Variants in TMEM45B observed in about 807,000 individuals in gnomAD.
TMEM45B encodes the protein transmembrane protein 45B.
TMEM45B carries 29 observed loss-of-function variants against 27.3 expected under a neutral mutation model. The ratio of observed to expected loss-of-function variants is 1.06; its 90% CI spans 0.79 to 1.45. TMEM45B has a LOEUF of 1.45. Ranked by LOEUF, TMEM45B falls within the 40% of genes most tolerant of loss-of-function variation. The pLI is 0.00. For missense variants in TMEM45B, 348 were observed against 343.9 expected (o/e 1.01, Z -0.09); for synonymous variants, 143 against 134.7 (o/e 1.06, Z -0.43).
At chr11:129,816,863 G>A (rs1349409894) in intron 1 of TMEM45B, among the ~76,000 whole-genome samples, 2 of 143,672 alleles carry the variant, frequency 1.4e-5, no homozygotes, top group South Asian at 2.3e-4. Flanking sequence ...TCAGCCTCCC[G>A]AGTAGCTAGG....
intron 1 of TMEM45B, among the ~76,000 whole-genome samples, chr11:129,842,169 C>T (rs1273866797): frequency 2.0e-5 from 3 of 152,152 alleles, no homozygotes; most frequent in Non-Finnish European, 2.9e-5. Flanking sequence ...GACCTTCAGA[C>T]ACACATGGGA....
chr11:129,853,464 G>A (rs188780883), intron 2 of TMEM45B, among the ~76,000 whole-genome samples: 1 of 152,320 alleles, frequency 6.6e-6, no homozygotes, highest in African/African-American at 2.4e-5. Flanking sequence ...GTCTCATCCT[G>A]CTGAATGTCC....
chr11:129,856,004 T>C (rs1367249964), intron 4 of TMEM45B, 112 bp downstream of exon 4: 1 of 1,306,372 alleles, frequency 7.7e-7, no homozygotes, highest in African/African-American at 1.5e-5. Context: ...AGCATTAACA[T>C]GCCATGCAAA....
chr11:129,846,674 C>T (rs184878986), intron 1 of TMEM45B, among the ~76,000 whole-genome samples: 95 of 152,262 alleles, frequency 6.2e-4, no homozygotes, highest in African/African-American at 2.3e-3. Context: ...AAAAAAAAAT[C>T]AGTCTGCAAT....
chr11:129,822,841 C>CTTTT (rs981694529), intron 1 of TMEM45B, among the ~76,000 whole-genome samples: 2 of 134,122 alleles, frequency 1.5e-5, no homozygotes, highest in African/African-American at 2.8e-5. Context: ...AAACATTTTT[C>CTTTT]TTTTTTTTTT....
intron 1 of TMEM45B, among the ~76,000 whole-genome samples, chr11:129,852,251 CAT>C (rs56111896): frequency 0.17 from 25,231 of 152,056 alleles, 2,194 homozygotes; most frequent in South Asian, 0.28. Context: ...ATTTTACCCA[CAT>C]GTTTAAAGCA....
At chr11:129,831,060 T>TACCTATGATAAAGCTTATATAA (rs1479024338) in intron 1 of TMEM45B, among the ~76,000 whole-genome samples, 1 of 152,200 alleles carries the variant, frequency 6.6e-6, no homozygotes, top group Admixed American at 6.5e-5. Flanking sequence ...TAGATGTATA[T>TACCTATGATAAAGCTTATATAA]ACCTATGATA....
chr11:129,855,788 G>T lies in TMEM45B; in HGVS notation c.466G>T (p.Gly156Ter), dbSNP rs547067888. The change falls in exon 4 of 6, where the codon GGA becomes TGA. Residue 156 changes from glycine (G) to a stop codon, truncating the protein, a stop_gained. Coordinates refer to ENST00000281441, the MANE Select transcript of TMEM45B (RefSeq NM_138788.5). LOFTEE classifies it high-confidence loss of function. ...IHSLLLYALFGGCVSISLEVI... is the reference protein window; with the variant it reads ...IHSLLLYALF ...CTCACTCCTGCTGTATGCTCTGTTC[G>T]GAGGGTGTGTTAGTATCTCCCTAGA... 3 of 1,614,114 alleles carry T rather than the reference G, an allele frequency of 1.9e-6. No individual in the cohort carries two copies. Among genetic ancestry groups the T allele is most frequent in the South Asian group, 1.1e-5 (1 of 91,072 alleles).
intron 1 of TMEM45B, among the ~76,000 whole-genome samples, chr11:129,824,991 A>C (rs1274385670): frequency 1.3e-5 from 2 of 152,150 alleles, no homozygotes. Context: ...ACTGGAGAGG[A>C]GCCACATTCA....
intron 5 of TMEM45B, 24 bp from the exon 6 acceptor site, chr11:129,858,550 G>T: frequency 6.5e-7 from 1 of 1,537,946 alleles, no homozygotes; most frequent in Non-Finnish European, 8.9e-7. Context: ...TGGCTAATTG[G>T]CTCTTACTCT....
intron 1 of TMEM45B, among the ~76,000 whole-genome samples, chr11:129,848,178 G>T (rs898677396): frequency 2.2e-4 from 33 of 152,030 alleles, no homozygotes; most frequent in South Asian, 1.0e-3. Context: ...CTGGGAGGTG[G>T]AGGTTGTAGC....
At position 129,852,774 on chromosome 11, in the gene TMEM45B, C is replaced by T. The variant is rs1232327970; in HGVS notation, c.178+114C>T. On this transcript the variant is annotated intron_variant, in intron 2 of 5. Transcript: ENST00000281441. ...CCCACTGGCAGAGATAATAGGGCAA[C>T]AATTTCCTGATGGCCACTAGACTAT... is the stretch of plus-strand genomic sequence containing the variant. 10 of 1,139,074 alleles carry T rather than the reference C, an allele frequency of 8.8e-6. No individual in the cohort carries two copies. The Admixed American group carries it at 1.6e-4, about 18-fold the overall frequency. The allele number at this position is 1,139,074 out of a possible 1,614,324, so 70.6% of individuals were successfully genotyped here.
At chr11:129,858,515 C>A in intron 5 of TMEM45B, 59 bp from the exon 6 acceptor site, 2 of 1,251,100 alleles carry the variant, frequency 1.6e-6, no homozygotes, top group East Asian at 2.5e-5. Context: ...CCTTCACATC[C>A]TTGGTAATGG....
At chr11:129,845,338 TG>T (rs11308327) in intron 1 of TMEM45B, among the ~76,000 whole-genome samples, 2,438 of 34,858 alleles carry the variant, frequency 0.07, 144 homozygotes, top group African/African-American at 0.12. Context: ...CTATTATAGA[TG>T]TGTGTGTGTG....
At chr11:129,842,224 G>A (rs1163756800) in intron 1 of TMEM45B, among the ~76,000 whole-genome samples, 1 of 152,182 alleles carries the variant, frequency 6.6e-6, no homozygotes, top group East Asian at 1.9e-4. Context: ...GCCGCAGAAA[G>A]GGAGAGAGAA....
At chr11:129,832,202 C>G (rs1185464624) in intron 1 of TMEM45B, among the ~76,000 whole-genome samples, 2 of 151,262 alleles carry the variant, frequency 1.3e-5, no homozygotes, top group African/African-American at 2.4e-5. Flanking sequence ...AACCCCGTTT[C>G]TACTAAAAAT....
intron 1 of TMEM45B, 46 bp downstream of exon 1, chr11:129,815,944 C>G (rs1358636566): frequency 2.1e-5 from 27 of 1,262,494 alleles, no homozygotes; most frequent in Non-Finnish European, 2.6e-5. Flanking sequence ...GAGGAGGGCT[C>G]GAAGGGAGAG....
At position 129,817,412 on chromosome 11, in the gene TMEM45B, T is replaced by C. The variant is rs368569382; in HGVS notation, c.-9+1514T>C. Reference sequence around the variant, plus strand: ...TGGCTCCCTCTGTTCCTGGGGTTTCTGGGAAAAGATATGGAACTGATATGA... The same window carrying C: ...TGGCTCCCTCTGTTCCTGGGGTTTCCGGGAAAAGATATGGAACTGATATGA... On this transcript the variant is annotated intron_variant, in intron 1 of 5. Coordinates refer to ENST00000281441, the MANE Select transcript of TMEM45B (RefSeq NM_138788.5). 6.6e-4 allele frequency among the ~76,000 whole-genome samples: 100 copies of C among 152,302 alleles called. 2 individuals carry two copies. The South Asian group carries it at 0.02, about 30-fold the overall frequency.
At chr11:129,834,525 T>G (rs1228559291) in intron 1 of TMEM45B, among the ~76,000 whole-genome samples, 1 of 151,758 alleles carries the variant, frequency 6.6e-6, no homozygotes, top group Non-Finnish European at 1.5e-5. Context: ...AGAAAGCATC[T>G]ATCAGCTGGG....
Sources: allele counts gnomAD v4.1 joint callset (sites outside exome capture counted in the v4.1 genomes callset), GRCh38; gene constraint gnomAD v4.1.1; transcripts MANE v1.5; gene names NCBI Gene and HGNC (gene_info 2026-07-23, HGNC 2026-07-21).